Variants in SMARCA2 observed in about 807,000 individuals in gnomAD.
SMARCA2 encodes SWI/SNF related BAF chromatin remodeling complex subunit ATPase 2, also known as SWI/SNF-related matrix-associated actin-dependent regulator of chromatin subfamily A member 2.
In SMARCA2, 61 loss-of-function variants were observed where a neutral mutation model predicts 199.8. That is an observed-to-expected ratio of 0.31 (90% CI 0.25 to 0.38). The LOEUF (loss-of-function observed/expected upper bound fraction) is 0.38. Ranked by LOEUF, SMARCA2 falls within the 10% of genes least tolerant of loss-of-function variation. The probability of loss-of-function intolerance (pLI) is 1.00; values close to 1 mark genes in which losing one functional copy is unlikely to be tolerated. For synonymous variants in SMARCA2, 935 were observed against 732.0 expected (o/e 1.28, Z -4.48); for missense variants, 1,344 against 2,012.2 (o/e 0.67, Z 6.35).
intron 27 of SMARCA2, among the ~76,000 whole-genome samples, chr9:2,142,541 C>T (rs958226882): frequency 6.6e-6 from 1 of 151,992 alleles, no homozygotes; most frequent in Non-Finnish European, 1.5e-5. Context: ...TTTGGTTTGG[C>T]CTGTTGAGTC....
At chr9:2,162,050 G>T in intron 28 of SMARCA2, 147 bp downstream of exon 28, 1 of 574,994 alleles carries the variant, frequency 1.7e-6, no homozygotes, top group Non-Finnish European at 3.0e-6. Flanking sequence ...CTTTGTACCT[G>T]TTTAAAATGG....
chr9:2,175,239 G>C (rs1238939590), intron 29 of SMARCA2, among the ~76,000 whole-genome samples: 1 of 152,082 alleles, frequency 6.6e-6, no homozygotes, highest in Non-Finnish European at 1.5e-5. Context: ...TCCTAAGACA[G>C]TATTTCCGAA....
intron 12 of SMARCA2, 67 bp downstream of exon 12, chr9:2,073,690 A>C: frequency 8.1e-7 from 1 of 1,233,736 alleles, no homozygotes; most frequent in Non-Finnish European, 1.2e-6. Flanking sequence ...TTCTTCCTGA[A>C]TGTAAGCCCG....
chr9:2,074,755 T>G (rs564611360), intron 12 of SMARCA2, among the ~76,000 whole-genome samples: 1 of 152,272 alleles, frequency 6.6e-6, no homozygotes, highest in East Asian at 1.9e-4. Context: ...CAGTTCCAGC[T>G]ACTCGGGAGG....
intron 4 of SMARCA2, chr9:2,041,467 C>T (rs531267479): frequency 1.3e-5 from 5 of 398,404 alleles, no homozygotes; most frequent in East Asian, 3.6e-5. Flanking sequence ...TCTCTGGAGC[C>T]TCTTTTACAA....
intron 29 of SMARCA2, among the ~76,000 whole-genome samples, chr9:2,172,992 A>C (rs988879188): frequency 8.5e-5 from 13 of 152,202 alleles, no homozygotes; most frequent in Admixed American, 7.9e-4. Flanking sequence ...AGGAAGTGGC[A>C]GTAGGTAGGA....
At chr9:2,040,118 G>A in intron 4 of SMARCA2, 2 of 976,748 alleles carry the variant, frequency 2.0e-6, no homozygotes, top group Non-Finnish European at 2.9e-6. Flanking sequence ...AAAGGTGGTT[G>A]TGCAAGCTGG....
chr9:2,174,583 C>G (rs570631567), intron 29 of SMARCA2, among the ~76,000 whole-genome samples: 1 of 152,020 alleles, frequency 6.6e-6, no homozygotes, highest in African/African-American at 2.4e-5. Flanking sequence ...TTAATTTGGT[C>G]GCAATTCAGC....
At position 2,076,342 on chromosome 9, in the gene SMARCA2, T is replaced by A; in HGVS notation, c.2036+13T>A. ...AGCAGATCATTGAGTATGTACTGCA[T>A]TTTTCCCTTGGAAATGCATTGCATG... is the stretch of plus-strand genomic sequence containing the variant. On this transcript the variant is annotated intron_variant, in intron 13 of 33. Coordinates refer to ENST00000349721, the MANE Select transcript of SMARCA2 (RefSeq NM_003070.5). The A allele has an allele frequency of 6.8e-7, 1 of 1,472,762 alleles. No individual in the cohort carries two copies. Among genetic ancestry groups the A allele is most frequent in the Non-Finnish European group, 9.5e-7 (1 of 1,054,886 alleles). The allele number at this position is 1,472,762 out of a possible 1,614,324, so 91.2% of individuals were successfully genotyped here. A position where few individuals can be genotyped will look rare whatever the true frequency, so the allele number is the denominator to read the frequency against.
chr9:2,088,091 GACA>G (rs1821876730), intron 18 of SMARCA2, among the ~76,000 whole-genome samples: 1 of 152,168 alleles, frequency 6.6e-6, no homozygotes, highest in South Asian at 2.1e-4. Context: ...CTGTGTCTGA[GACA>G]ACCAAGACGA....
chr9:2,081,268 C>T (rs1438394472), intron 14 of SMARCA2, among the ~76,000 whole-genome samples: 1 of 152,096 alleles, frequency 6.6e-6, no homozygotes, highest in Non-Finnish European at 1.5e-5. Context: ...TGCCAGCTTC[C>T]AGTGTGCAGC....
At position 2,024,342 on chromosome 9, in the gene SMARCA2, C is replaced by T. The variant is rs144493329; in HGVS notation, c.-36-4645C>T. 2.2e-3 allele frequency among the ~76,000 whole-genome samples: 329 copies of T among 152,214 alleles called. 2 individuals are homozygous for T. Among genetic ancestry groups the T allele is most frequent in the African/African-American group, 7.5e-3 (311 of 41,524 alleles). ...GTTGGATAGTTTGGCTGTACCCCTCCGTGTCCTGCAGGATCTTTCAATATT... is the reference window on the plus strand; with the variant it reads ...GTTGGATAGTTTGGCTGTACCCCTCTGTGTCCTGCAGGATCTTTCAATATT... On this transcript the variant is annotated intron_variant, in intron 1 of 33. Transcript: ENST00000349721.
At chr9:2,033,415 A>G (rs1819162784) in intron 3 of SMARCA2, among the ~76,000 whole-genome samples, 3 of 152,232 alleles carry the variant, frequency 2.0e-5, no homozygotes, top group Admixed American at 2.0e-4. Flanking sequence ...ATAAAGCTGG[A>G]CAATTTACTT....
chr9:2,184,604 C>T (rs1586811676), intron 31 of SMARCA2, among the ~76,000 whole-genome samples: 1 of 152,066 alleles, frequency 6.6e-6, no homozygotes, highest in East Asian at 1.9e-4. Flanking sequence ...CTACCCACCT[C>T]AGCCTCCTAA....
At chr9:2,081,291 C>T (rs1281948925) in intron 14 of SMARCA2, among the ~76,000 whole-genome samples, 1 of 152,124 alleles carries the variant, frequency 6.6e-6, no homozygotes, top group Non-Finnish European at 1.5e-5. Context: ...TTGGGTAGTA[C>T]TCACATTACA....
chr9:2,052,929 A>G (rs1193204353), intron 5 of SMARCA2, among the ~76,000 whole-genome samples: 2 of 152,204 alleles, frequency 1.3e-5, no homozygotes, highest in African/African-American at 4.8e-5. Context: ...TACTCTGGCA[A>G]CATCATCATG....
chr9:2,037,499 CT>C (rs1455079193), intron 3 of SMARCA2, among the ~76,000 whole-genome samples: 1 of 152,180 alleles, frequency 6.6e-6, no homozygotes, highest in Non-Finnish European at 1.5e-5. Context: ...GGGGATCACG[CT>C]AAATCTGCCT....
At chr9:2,179,843 T>C (rs1826890517) in intron 29 of SMARCA2, among the ~76,000 whole-genome samples, 1 of 152,198 alleles carries the variant, frequency 6.6e-6, no homozygotes, top group Admixed American at 6.5e-5. Flanking sequence ...GTCTGACTTT[T>C]GGGGTGCTGC....
intron 4 of SMARCA2, among the ~76,000 whole-genome samples, chr9:2,046,703 A>G (rs78040781): frequency 0.013 from 1,951 of 152,306 alleles, 41 homozygotes; most frequent in African/African-American, 0.044. Flanking sequence ...AGATTGGGAT[A>G]GAGGTCTGTC....
Sources: allele counts gnomAD v4.1 joint callset (sites outside exome capture counted in the v4.1 genomes callset), GRCh38; gene constraint gnomAD v4.1.1; transcripts MANE v1.5; gene names NCBI Gene and HGNC (gene_info 2026-07-23, HGNC 2026-07-21).